The following OPCML variants were observed in gnomAD, a reference collection of about 807,000 sequenced individuals.
OPCML encodes the protein opioid binding protein/cell adhesion molecule like, also known as opioid-binding protein/cell adhesion molecule.
Under a neutral mutation model 37.8 loss-of-function variants are expected in OPCML, and 13 were observed. The ratio of observed to expected loss-of-function variants is 0.34; its 90% CI spans 0.22 to 0.55. The LOEUF is 0.55. Among genes scored for constraint, OPCML ranks in the 20% least tolerant of loss-of-function variants. The pLI is 0.91. For synonymous variants in OPCML, 176 were observed against 168.8 expected (o/e 1.04, Z -0.33); for missense variants, 341 against 435.6 (o/e 0.78, Z 1.93).
chr11:132,609,711 G>A (rs535367551), intron 3 of OPCML, among the ~76,000 whole-genome samples: 5 of 152,196 alleles, frequency 3.3e-5, no homozygotes, highest in African/African-American at 9.6e-5. Context: ...CTTCTTTTGT[G>A]TTACTTTACA....
chr11:132,818,391 T>G (rs990058065), intron 2 of OPCML, among the ~76,000 whole-genome samples: 1 of 151,982 alleles, frequency 6.6e-6, no homozygotes, highest in Non-Finnish European at 1.5e-5. Context: ...GTGGACTTCC[T>G]GTAATCAGTT....
intron 1 of OPCML, among the ~76,000 whole-genome samples, chr11:133,498,069 G>A (rs1428194240): frequency 1.1e-4 from 17 of 152,204 alleles, no homozygotes; most frequent in Admixed American, 6.5e-4. Context: ...AGGGCCGGGG[G>A]CCAAGGCAGC....
intron 4 of OPCML, among the ~76,000 whole-genome samples, chr11:132,473,955 A>T (rs1427340845): frequency 6.6e-6 from 1 of 152,182 alleles, no homozygotes; most frequent in African/African-American, 2.4e-5. Flanking sequence ...CTACAATCTA[A>T]GGCCAATTAC....
At chr11:133,441,357 A>G (rs1350514351) in intron 1 of OPCML, among the ~76,000 whole-genome samples, 1 of 152,164 alleles carries the variant, frequency 6.6e-6, no homozygotes, top group Non-Finnish European at 1.5e-5. Context: ...ACAAAAAGGA[A>G]ATACATGGAA....
intron 2 of OPCML, among the ~76,000 whole-genome samples, chr11:132,767,710 T>G (rs958271555): frequency 1.3e-5 from 2 of 152,128 alleles, no homozygotes; most frequent in African/African-American, 4.8e-5. Flanking sequence ...ATAATTTACC[T>G]AAAACCCTCA....
At chr11:132,448,743 G>A (rs2096061634) in intron 4 of OPCML, among the ~76,000 whole-genome samples, 2 of 152,200 alleles carry the variant, frequency 1.3e-5, no homozygotes, top group Non-Finnish European at 2.9e-5. Flanking sequence ...TGTGACTCAT[G>A]CTAACAGTAG....
rs1465553921 is a variant in OPCML at position 133,212,876 on chromosome 11, G to A, written c.62-269866C>T. 6.6e-6 allele frequency among the ~76,000 whole-genome samples: 1 copy of A among 152,084 alleles called. No homozygotes were observed. The highest frequency in any genetic ancestry group is 2.4e-5 in the African/African-American group (1 of 41,382). On this transcript the variant is annotated intron_variant, in intron 1 of 7. Transcript: ENST00000524381. This position sits in a 1 kb window ranked among gnomAD's most constrained non-coding sequence, Gnocchi z 4.9. ...GGGTTTCCATACTCTAAAATTCCAC[G>A]TTTGTATCTGCGTCATGCCGTTAAA... is the stretch of plus-strand genomic sequence containing the variant.
intron 2 of OPCML, among the ~76,000 whole-genome samples, chr11:132,729,392 T>TACAC (rs3066898): frequency 0.055 from 8,271 of 151,562 alleles, 628 homozygotes; most frequent in African/African-American, 0.17. Flanking sequence ...TTATAGATTT[T>TACAC]ACACACACAC....
chr11:132,431,756 T>A (rs2095997674), intron 7 of OPCML, among the ~76,000 whole-genome samples: 1 of 152,090 alleles, frequency 6.6e-6, no homozygotes, highest in South Asian at 2.1e-4. Flanking sequence ...ATAAAAGATG[T>A]AGTGTGAGAG....
intron 1 of OPCML, among the ~76,000 whole-genome samples, chr11:133,373,647 G>A (rs865928559): frequency 2.7e-5 from 4 of 148,606 alleles, no homozygotes; most frequent in Middle Eastern, 6.9e-3. Flanking sequence ...AAAAAGAAAA[G>A]AAAAAGAAAA....
chr11:133,064,388 G>C (rs1185332688), intron 1 of OPCML, among the ~76,000 whole-genome samples: 3 of 152,230 alleles, frequency 2.0e-5, no homozygotes, highest in African/African-American at 7.2e-5. Flanking sequence ...TCCGCAGGGA[G>C]CATTCCCGTG....
chr11:133,062,852 G>A (rs1948373768), intron 1 of OPCML, among the ~76,000 whole-genome samples: 2 of 152,224 alleles, frequency 1.3e-5, no homozygotes, highest in African/African-American at 4.8e-5. Context: ...GTACTCCACA[G>A]CAGCCTCCCT....
At chr11:133,379,879 A>G (rs1425694183) in intron 1 of OPCML, among the ~76,000 whole-genome samples, 1 of 152,210 alleles carries the variant, frequency 6.6e-6, no homozygotes, top group African/African-American at 2.4e-5. Flanking sequence ...AGCTTAACTG[A>G]CCATAGAACT....
chr11:132,576,658 T>C (rs967817303), intron 3 of OPCML, among the ~76,000 whole-genome samples: 7 of 152,152 alleles, frequency 4.6e-5, no homozygotes, highest in Admixed American at 4.6e-4. Flanking sequence ...ATTTGGGACA[T>C]CTTTGCCTGA....
At chr11:132,685,465 C>G (rs564419225) in intron 2 of OPCML, among the ~76,000 whole-genome samples, 267 of 152,298 alleles carry the variant, frequency 1.8e-3, no homozygotes, top group Non-Finnish European at 3.1e-3. Context: ...TCACGACATC[C>G]CAGTCTGGAG....
At chr11:132,610,340 T>G (rs1938565605) in intron 3 of OPCML, among the ~76,000 whole-genome samples, 1 of 152,224 alleles carries the variant, frequency 6.6e-6, no homozygotes, top group African/African-American at 2.4e-5. Flanking sequence ...AATATCTGGC[T>G]GTAAATCTCT....
chr11:132,908,277 G>GTC (rs949333319), intron 2 of OPCML, among the ~76,000 whole-genome samples: 61 of 146,582 alleles, frequency 4.2e-4, no homozygotes, highest in African/African-American at 1.5e-3. Flanking sequence ...GAAACATAAG[G>GTC]TCTCTCTCTC....
chr11:132,735,519 C>T (rs994862011), intron 2 of OPCML, among the ~76,000 whole-genome samples: 3 of 152,106 alleles, frequency 2.0e-5, no homozygotes, highest in Admixed American at 2.0e-4. Context: ...CAGAGTCTCA[C>T]TCTGTTGCCC....
At chr11:133,494,118 A>G (rs548954565) in intron 1 of OPCML, among the ~76,000 whole-genome samples, 6 of 152,336 alleles carry the variant, frequency 3.9e-5, no homozygotes, top group African/African-American at 1.4e-4. Flanking sequence ...ACACATAAAA[A>G]AATGCTCACC....
Sources: gnomAD v4.1 joint callset for allele counts (sites outside exome capture counted in the v4.1 genomes callset) on GRCh38, gnomAD v4.1.1 for gene constraint, Gnocchi (gnomAD v3.1) non-coding constraint, MANE v1.5 for transcripts, NCBI Gene and HGNC (gene_info 2026-07-23, HGNC 2026-07-21) for gene names.